The following EMP2 variants were observed in gnomAD, a reference collection of about 807,000 sequenced individuals.
The protein encoded by EMP2 is epithelial membrane protein 2.
A neutral mutation model predicts 13.7 loss-of-function variants in EMP2; 19 were observed. The ratio of observed to expected loss-of-function variants is 1.38; its 90% confidence interval spans 0.97 to 2.03. EMP2 has a LOEUF of 2.03. Among genes scored for constraint, EMP2 ranks in the 30% most tolerant of loss-of-function variants. The pLI is 0.00. For synonymous variants in EMP2, 97 were observed against 84.7 expected (o/e 1.15, Z -0.80); for missense variants, 253 against 220.7 (o/e 1.15, Z -0.93).
chr16:10,543,753 G>T (rs1378298207), intron 2 of EMP2, 93 bp from the exon 3 acceptor site: 1 of 1,226,678 alleles, frequency 8.2e-7, no homozygotes, highest in Non-Finnish European at 1.2e-6. Flanking sequence ...GGGCTTCCAG[G>T]ATTCTCAAAC....
At chr16:10,568,675 A>G (rs924043903) in intron 1 of EMP2, among the ~76,000 whole-genome samples, 2 of 152,082 alleles carry the variant, frequency 1.3e-5, no homozygotes, top group African/African-American at 4.8e-5. Flanking sequence ...TCCGACAGAG[A>G]CCAAGAGGAC....
At chr16:10,551,128 C>G (rs2050785408) in intron 1 of EMP2, among the ~76,000 whole-genome samples, 1 of 152,168 alleles carries the variant, frequency 6.6e-6, no homozygotes, top group Non-Finnish European at 1.5e-5. Flanking sequence ...ATTGTGTACT[C>G]ACTAAGCAGT....
chr16:10,566,862 A>G (rs74393372), intron 1 of EMP2, among the ~76,000 whole-genome samples: 1 of 152,108 alleles, frequency 6.6e-6, no homozygotes, highest in African/African-American at 2.4e-5. Context: ...CTAAAAAAAA[A>G]CTGTCAGGTT....
intron 1 of EMP2, chr16:10,578,329 T>C (rs966813004): frequency 1.3e-5 from 2 of 152,120 alleles, no homozygotes; most frequent in Non-Finnish European, 2.9e-5. Flanking sequence ...TACGAAGATA[T>C]TATGTGAGAG....
At chr16:10,551,876 G>C (rs959300627) in intron 1 of EMP2, among the ~76,000 whole-genome samples, 3 of 151,964 alleles carry the variant, frequency 2.0e-5, no homozygotes, top group Non-Finnish European at 2.9e-5. Flanking sequence ...AAGGCTCATG[G>C]GCTCATACAG....
At chr16:10,545,305 A>G (rs911162175) in intron 2 of EMP2, 15 of 152,252 alleles carry the variant, frequency 9.9e-5, no homozygotes, top group African/African-American at 3.6e-4. Flanking sequence ...GAGCTCCTGG[A>G]ATGGTGGGTC....
chr16:10,555,107 G>T (rs929835746), intron 1 of EMP2, among the ~76,000 whole-genome samples: 4 of 152,094 alleles, frequency 2.6e-5, no homozygotes, highest in Non-Finnish European at 5.9e-5. Flanking sequence ...CAGAAACGAA[G>T]GAGGGCCAAG....
chr16:10,557,722 G>A (rs2050841631), intron 1 of EMP2, among the ~76,000 whole-genome samples: 1 of 152,006 alleles, frequency 6.6e-6, no homozygotes, highest in African/African-American at 2.4e-5. Flanking sequence ...TCAGATTCAA[G>A]GCCTGAATAC....
chr16:10,580,215 G>C lies in EMP2; in HGVS notation c.-61+334C>G, dbSNP rs1181337185. On this transcript the variant is annotated intron_variant, in intron 1 of 4. Transcript: ENST00000359543. This position sits in a 1 kb window ranked among gnomAD's most constrained non-coding sequence, Gnocchi z 4.3. ...CCCGGGAATCCCTCACGCGACCTGG[G>C]GATCTCCCTGGACTCCAAGAGCCCC... Among the ~76,000 whole-genome samples the C allele has an allele frequency of 6.6e-6, 1 of 152,166 alleles. No homozygotes were observed. The highest frequency in any genetic ancestry group is 1.5e-5 in the Non-Finnish European group (1 of 68,014).
At chr16:10,575,632 C>G (rs577898231) in intron 1 of EMP2, among the ~76,000 whole-genome samples, 310 of 152,226 alleles carry the variant, frequency 2.0e-3, no homozygotes, top group Non-Finnish European at 3.4e-3. Flanking sequence ...AAGCCTGCAG[C>G]AGCTCACTGC....
intron 2 of EMP2, chr16:10,545,272 T>C (rs1024701173): frequency 6.6e-6 from 1 of 152,198 alleles, no homozygotes; most frequent in Non-Finnish European, 1.5e-5. Context: ...TAAAAGAACA[T>C]TCGGTCCCAT....
rs112610153 is a variant in EMP2, at chr16:10,561,703, T to C, written c.-60-14026A>G. ...GTTGTTTACTTGGATATTACATATC[T>C]GCCTGCTACAGTGTCAGGTGCCTGG... On this transcript the variant is annotated intron_variant, in intron 1 of 4. Transcript: ENST00000359543. Among the ~76,000 whole-genome samples, 502 of 152,360 alleles carry C rather than the reference T, an allele frequency of 3.3e-3. 6 individuals carry two copies. The highest frequency in any genetic ancestry group is 0.011 in the African/African-American group (463 of 41,586).
intron 1 of EMP2, among the ~76,000 whole-genome samples, chr16:10,569,112 C>T (rs746773212): frequency 6.6e-6 from 1 of 152,068 alleles, no homozygotes; most frequent in African/African-American, 2.4e-5. Flanking sequence ...CTAAGGTATA[C>T]TCTTGGGTGA....
chr16:10,549,394 T>C (rs1449818023), intron 1 of EMP2, among the ~76,000 whole-genome samples: 1 of 152,184 alleles, frequency 6.6e-6, no homozygotes, highest in Non-Finnish European at 1.5e-5. Flanking sequence ...TTCAAAAGAA[T>C]GCTTTAACTA....
At position 10,547,648 on chromosome 16, in the gene EMP2, G is replaced by C. The variant is rs766627270; in HGVS notation, c.-31C>G. ...CAGGGCAGGGCGAGTCGAGGCGAGGGGTCACGTTTAAAGCCCAGAGCGGGA... is the reference window on the plus strand; with the variant it reads ...CAGGGCAGGGCGAGTCGAGGCGAGGCGTCACGTTTAAAGCCCAGAGCGGGA... On this transcript the variant is annotated 5_prime_UTR_variant, in exon 2 of 5. Coordinates refer to ENST00000359543, the MANE Select transcript of EMP2 (RefSeq NM_001424.6). 1 of 1,611,748 alleles carries C rather than the reference G, an allele frequency of 6.2e-7. No homozygotes were observed. The highest frequency in any genetic ancestry group is 8.5e-7 in the Non-Finnish European group (1 of 1,178,240).
intron 3 of EMP2, among the ~76,000 whole-genome samples, chr16:10,543,338 G>A (rs2050715090): frequency 6.6e-6 from 1 of 152,270 alleles, no homozygotes; most frequent in Admixed American, 6.5e-5. Flanking sequence ...AAGGCATGAG[G>A]TCCAACTTAG....
At chr16:10,537,291 G>C (rs1053425315) in intron 4 of EMP2, among the ~76,000 whole-genome samples, 1 of 152,172 alleles carries the variant, frequency 6.6e-6, no homozygotes, top group Non-Finnish European at 1.5e-5. Flanking sequence ...AATGCTCTGA[G>C]ACCTCTGCTT....
At chr16:10,551,024 T>G (rs180686287) in intron 1 of EMP2, among the ~76,000 whole-genome samples, 99 of 152,166 alleles carry the variant, frequency 6.5e-4, no homozygotes, top group Non-Finnish European at 1.1e-3. Flanking sequence ...CACATAACAT[T>G]TACTATTAGT....
In EMP2 at chr16:10,532,751, CTTTTTTCTTTTTTTTTTTTTTT is replaced by C; in HGVS notation, c.*132_*153del. The stretch of plus-strand genomic sequence containing the variant: ...CTTCTCTCTTTTGGATTTTTTTTTT[CTTTTTTCTTTTTTTTTTTTTTT>C]TTTTTTTTTTTTTGGCTTTTAAAGG... On this transcript the variant is annotated 3_prime_UTR_variant, in exon 5 of 5. Coordinates refer to ENST00000359543, the MANE Select transcript of EMP2 (RefSeq NM_001424.6). 5.1e-6 allele frequency: 1 copy of C among 197,912 alleles called. No homozygotes were observed. The highest frequency in any genetic ancestry group is 7.4e-5 in the African/African-American group (1 of 13,556). 12.3% of individuals were successfully genotyped at this position (197,912 alleles called of 1,614,324 possible). A position where few individuals can be genotyped will look rare whatever the true frequency, so the allele number is the denominator to read the frequency against.
Sources: allele counts gnomAD v4.1 joint callset (sites outside exome capture counted in the v4.1 genomes callset), GRCh38; gene constraint gnomAD v4.1.1; non-coding constraint Gnocchi (gnomAD v3.1); transcripts MANE v1.5; gene names NCBI Gene and HGNC (gene_info 2026-07-23, HGNC 2026-07-21).